The following ROBO1 variants were observed in gnomAD, a reference collection of about 807,000 sequenced individuals.
The protein encoded by ROBO1 is roundabout guidance receptor 1.
In ROBO1, 149 loss-of-function variants were observed where a neutral mutation model predicts 195.9. That is an observed-to-expected ratio of 0.76 (90% CI 0.67 to 0.87). The LOEUF (loss-of-function observed/expected upper bound fraction) is 0.87, where lower values mean the gene tolerates loss of function less well. Among genes scored for constraint, ROBO1 ranks in the 40% least tolerant of loss-of-function variants. The pLI is 0.00. For synonymous variants in ROBO1, 816 were observed against 733.2 expected (o/e 1.11, Z -1.82); for missense variants, 1,933 against 2,068.3 (o/e 0.93, Z 1.27).
At chr3:79,345,718 C>T (rs193091705) in intron 2 of ROBO1, among the ~76,000 whole-genome samples, 1 of 152,224 alleles carries the variant, frequency 6.6e-6, no homozygotes, top group African/African-American at 2.4e-5. Flanking sequence ...CCTACAGAGG[C>T]AAAGTTGTAA....
chr3:78,798,292 T>C (rs193061579), intron 4 of ROBO1, among the ~76,000 whole-genome samples: 1 of 152,346 alleles, frequency 6.6e-6, no homozygotes, highest in East Asian at 1.9e-4. Flanking sequence ...TCTGAATGGC[T>C]AATTAATAAG....
intron 10 of ROBO1, among the ~76,000 whole-genome samples, chr3:78,678,364 C>CA (rs1244339030): frequency 6.6e-6 from 1 of 151,962 alleles, no homozygotes; most frequent in East Asian, 1.9e-4. Context: ...AAAAACCCTT[C>CA]AAAAAATTAA....
At chr3:79,410,050 T>C (rs986156273) in intron 2 of ROBO1, among the ~76,000 whole-genome samples, 1 of 152,152 alleles carries the variant, frequency 6.6e-6, no homozygotes, top group Non-Finnish European at 1.5e-5. Flanking sequence ...TGAGGAAGTT[T>C]TGTGCAATAG....
intron 3 of ROBO1, among the ~76,000 whole-genome samples, chr3:79,122,577 A>G (rs1356941582): frequency 2.0e-5 from 3 of 152,026 alleles, no homozygotes; most frequent in Admixed American, 1.3e-4. Flanking sequence ...TCACTAGATC[A>G]TTAGTGGATA....
chr3:78,939,419 C>CTCTTTCCACCAGGATGTAGGAAAG (rs1437776675), intron 3 of ROBO1, among the ~76,000 whole-genome samples: 1 of 151,058 alleles, frequency 6.6e-6, no homozygotes, highest in Non-Finnish European at 1.5e-5. Context: ...TCAAGACCAT[C>CTCTTTCCACCAGGATGTAGGAAAG]CTGGCTAACA....
At chr3:79,348,108 G>A (rs1278476447) in intron 2 of ROBO1, among the ~76,000 whole-genome samples, 5 of 151,830 alleles carry the variant, frequency 3.3e-5, no homozygotes, top group Non-Finnish European at 5.9e-5. Flanking sequence ...TGACTTGGGA[G>A]GCTGAGACAG....
intron 1 of ROBO1, among the ~76,000 whole-genome samples, chr3:79,709,888 AT>A (rs1376486544): frequency 6.6e-6 from 1 of 152,156 alleles, no homozygotes; most frequent in Non-Finnish European, 1.5e-5. Flanking sequence ...GCAAGAATGC[AT>A]TTTTATACCA....
chr3:78,906,586 G>C (rs1433051922), intron 4 of ROBO1, among the ~76,000 whole-genome samples: 5 of 152,162 alleles, frequency 3.3e-5, no homozygotes, highest in Non-Finnish European at 5.9e-5. Context: ...AGTACATGTA[G>C]TACATCATTA....
intron 2 of ROBO1, among the ~76,000 whole-genome samples, chr3:79,450,299 G>C (rs1335488344): frequency 6.7e-6 from 1 of 149,050 alleles, no homozygotes; most frequent in Admixed American, 6.7e-5. Flanking sequence ...CCTGAGAAGA[G>C]AACTAAATGG....
intron 3 of ROBO1, among the ~76,000 whole-genome samples, chr3:79,075,312 T>C (rs903712965): frequency 2.6e-5 from 4 of 152,002 alleles, no homozygotes; most frequent in Non-Finnish European, 5.9e-5. Flanking sequence ...GCTTCCTACA[T>C]AGGTATGAAT....
intron 5 of ROBO1, among the ~76,000 whole-genome samples, chr3:78,727,124 C>T (rs2082179661): frequency 6.6e-6 from 1 of 151,964 alleles, no homozygotes; most frequent in Non-Finnish European, 1.5e-5. Flanking sequence ...AAAAACATTG[C>T]TAGTACCATA....
At chr3:78,851,100 G>A (rs1472925137) in intron 4 of ROBO1, among the ~76,000 whole-genome samples, 2 of 152,028 alleles carry the variant, frequency 1.3e-5, no homozygotes, top group African/African-American at 2.4e-5. Context: ...GAGCCACCAC[G>A]CCCGGTCACA....
At chr3:79,501,998 T>C (rs73848899) in intron 2 of ROBO1, among the ~76,000 whole-genome samples, 8,288 of 151,892 alleles carry the variant, frequency 0.055, 735 homozygotes, top group African/African-American at 0.19. Context: ...AACTGTAACA[T>C]ATATCGGTGT....
At chr3:78,667,208 A>T (rs1707786145) in intron 14 of ROBO1, among the ~76,000 whole-genome samples, 1 of 152,154 alleles carries the variant, frequency 6.6e-6, no homozygotes, top group Non-Finnish European at 1.5e-5. Flanking sequence ...TTAAGATTGT[A>T]CACCTACATG....
At chr3:79,471,772 C>A (rs754539620) in intron 2 of ROBO1, among the ~76,000 whole-genome samples, 8 of 152,044 alleles carry the variant, frequency 5.3e-5, no homozygotes, top group Non-Finnish European at 1.2e-4. Context: ...AGGATGAGTT[C>A]ATGTCCTTTG....
At chr3:79,156,512 C>T (rs1017598917) in intron 2 of ROBO1, among the ~76,000 whole-genome samples, 3 of 151,638 alleles carry the variant, frequency 2.0e-5, no homozygotes, top group Non-Finnish European at 4.4e-5. Context: ...GAAAACGATT[C>T]GTTTTTCATG....
intron 2 of ROBO1, among the ~76,000 whole-genome samples, chr3:79,513,423 A>G (rs1437239375): frequency 2.0e-5 from 3 of 151,240 alleles, no homozygotes; most frequent in Non-Finnish European, 4.4e-5. Context: ...GCAAGAGGGG[A>G]AAAAAAAACT....
At chr3:78,749,061 AAC>A (rs1247724071) in intron 4 of ROBO1, among the ~76,000 whole-genome samples, 1 of 152,182 alleles carries the variant, frequency 6.6e-6, no homozygotes, top group Non-Finnish European at 1.5e-5. Context: ...TTAAGAATGT[AAC>A]ACAAATAAAA....
intron 1 of ROBO1, among the ~76,000 whole-genome samples, chr3:79,711,939 G>T (rs1702294507): frequency 6.6e-6 from 1 of 151,138 alleles, no homozygotes; most frequent in African/African-American, 2.5e-5. Context: ...GGGTGGGGGA[G>T]CACTATGAAC....
Sources: allele counts gnomAD v4.1 joint callset (sites outside exome capture counted in the v4.1 genomes callset), GRCh38; gene constraint gnomAD v4.1.1; transcripts MANE v1.5; gene names NCBI Gene and HGNC (gene_info 2026-07-23, HGNC 2026-07-21).